The following CARMIL3 variants were observed in gnomAD, a reference collection of about 807,000 sequenced individuals.
CARMIL3 encodes capping protein, Arp2/3 and myosin-I linker protein 3.
CARMIL3 carries 88 observed loss-of-function variants against 180.8 expected under a neutral mutation model. That is an observed-to-expected ratio of 0.49 (90% CI 0.41 to 0.58). The LOEUF (loss-of-function observed/expected upper bound fraction) is 0.58. Among genes scored for constraint, CARMIL3 ranks in the 20% least tolerant of loss-of-function variants. CARMIL3 has a pLI of 0.00. For missense variants in CARMIL3, 1,548 were observed against 1,787.0 expected (o/e 0.87, Z 2.41); for synonymous variants, 696 against 714.5 (o/e 0.97, Z 0.41).
chr14:24,057,750 C>T, intron 14 of CARMIL3, 53 bp from the exon 15 acceptor site: 1 of 1,507,454 alleles, frequency 6.6e-7, no homozygotes, highest in South Asian at 1.2e-5. Flanking sequence ...CCTTTCCTGC[C>T]ACCCCCTACC....
chr14:24,054,915 GA>G lies in CARMIL3; in HGVS notation c.460+109del. The G allele has an allele frequency of 7.2e-7, 1 of 1,390,618 alleles. No homozygotes were observed. The highest frequency in any genetic ancestry group is 1.0e-6 in the Non-Finnish European group (1 of 997,202). The allele number at this position is 1,390,618 out of a possible 1,614,324, so 86.1% of individuals were successfully genotyped here. The stretch of plus-strand genomic sequence containing the variant: ...CTGGGCGGGCGGGCTTTGCCTGCCT[GA>G]AGGACTCCCAGCTCCCAGACCTCAG... On this transcript the variant is annotated intron_variant, in intron 6 of 39. Coordinates refer to ENST00000342740, the MANE Select transcript of CARMIL3 (RefSeq NM_138360.4). This position sits in a 1 kb window ranked among gnomAD's most constrained non-coding sequence, Gnocchi z 5.1.
Position 24,059,174 on chromosome 14 carries a change from C to T in CARMIL3, c.1611C>T (p.Ile537=), listed in dbSNP as rs2035704283. 1 of 1,611,962 alleles carries T rather than the reference C, an allele frequency of 6.2e-7. No homozygotes were observed. Among genetic ancestry groups the T allele is most frequent in the Non-Finnish European group, 8.5e-7 (1 of 1,179,352 alleles). The change falls in exon 20 of 40, where the codon ATC becomes ATT. Residue 537 remains isoleucine, a synonymous_variant. Coordinates refer to ENST00000342740, the MANE Select transcript of CARMIL3 (RefSeq NM_138360.4). The surrounding 1 kb of genome is among the most constrained non-coding windows in gnomAD (Gnocchi z 6.3). The part of the protein sequence containing the change: ...EEILHKLVQL[I]QEEDCSLQSL... ...TCCTCCACAAGCTGGTGCAGCTGAT[C>T]CAGGAAGAGGACTGTGTGAGTGCCT...
intron 2 of CARMIL3, 140 bp downstream of exon 2, chr14:24,053,943 C>A: frequency 8.6e-7 from 1 of 1,163,130 alleles, no homozygotes; most frequent in Non-Finnish European, 1.2e-6. Flanking sequence ...GGAGGCAGGG[C>A]TGGACTGTGT....
At position 24,058,220 on chromosome 14, in the gene CARMIL3, G is replaced by C. The variant is rs751839340; in HGVS notation, c.1388G>C (p.Cys463Ser). The change falls in exon 17 of 40, where the codon TGC becomes TCC. Residue 463 changes from cysteine (C) to serine (S), a missense_variant. This residue lies in a region of CARMIL3 where 578 missense variants were observed against 666.5 expected (regional missense o/e 0.87). Coordinates refer to ENST00000342740, the MANE Select transcript of CARMIL3 (RefSeq NM_138360.4). This position sits in a 1 kb window ranked among gnomAD's most constrained non-coding sequence, Gnocchi z 6.4. The stretch of plus-strand genomic sequence containing the variant: ...GACCTGCACCTGGATCTCAGCAGCT[G>C]CGAGGTGAGCCCTCAGTCCCCAACC... ...LSDLHLDLSS[C>S]ELRSAGAQAL... The C allele has an allele frequency of 3.7e-6, 6 of 1,613,340 alleles. No individual in the cohort carries two copies. The highest frequency in any genetic ancestry group is 5.1e-6 in the Non-Finnish European group (6 of 1,179,838).
intron 32 of CARMIL3, 37 bp downstream of exon 32, chr14:24,064,383 C>T (rs373894940): frequency 9.0e-5 from 136 of 1,504,316 alleles, no homozygotes; most frequent in Non-Finnish European, 1.1e-4. Context: ...TTCAGCAGGC[C>T]CCAAGGCCCT....
chr14:24,060,428 T>C (rs1951637), intron 24 of CARMIL3, among the ~76,000 whole-genome samples, 173 bp downstream of exon 24: 1 of 152,002 alleles, frequency 6.6e-6, no homozygotes, highest in African/African-American at 2.4e-5. Flanking sequence ...TTCAAACATA[T>C]GTGGGCGAAC....
chr14:24,054,204 G>A lies in CARMIL3; in HGVS notation c.187-38G>A. The A allele has an allele frequency of 6.2e-7, 1 of 1,614,140 alleles. No homozygotes were observed. The highest frequency in any genetic ancestry group is 8.5e-7 in the Non-Finnish European group (1 of 1,179,982). ...CCTACCTCCCAAGCCTGGCAACCCA[G>A]GTCCTTACCAGGAGCTGAGCATCTC... On this transcript the variant is annotated intron_variant, in intron 3 of 39. Coordinates refer to ENST00000342740, the MANE Select transcript of CARMIL3 (RefSeq NM_138360.4). The surrounding 1 kb of genome is among the most constrained non-coding windows in gnomAD (Gnocchi z 5.1).
intron 1 of CARMIL3, among the ~76,000 whole-genome samples, chr14:24,053,150 A>C (rs1247134045): frequency 6.6e-6 from 1 of 152,056 alleles, no homozygotes; most frequent in Non-Finnish European, 1.5e-5. Context: ...CTCCCCGCCC[A>C]ACACACACAG....
intron 36 of CARMIL3, 142 bp downstream of exon 36, chr14:24,066,798 A>G: frequency 2.3e-6 from 2 of 863,926 alleles, no homozygotes; most frequent in Middle Eastern, 2.7e-4. Flanking sequence ...GTTTAAGGAT[A>G]TTTACAAAGC....
In CARMIL3 at chr14:24,065,607, G is replaced by A. The variant is rs1256030598; in HGVS notation, c.3397-15G>A. 2.5e-6 allele frequency: 4 copies of A among 1,595,022 alleles called. No individual in the cohort carries two copies. The highest frequency in any genetic ancestry group is 3.4e-6 in the Non-Finnish European group (4 of 1,172,516). ...TCGACTGGGAACTGCTAATAAATAA[G>A]AGACCTTGTTCTAGGGCACTGAGGG... On this transcript the variant is annotated splice_polypyrimidine_tract_variant and intron_variant, in intron 33 of 39. Coordinates refer to ENST00000342740, the MANE Select transcript of CARMIL3 (RefSeq NM_138360.4).
rs1416394270 is a variant in CARMIL3 at position 24,057,948 on chromosome 14, G to A, written c.1218-12G>A. 6.2e-7 allele frequency: 1 copy of A among 1,613,346 alleles called. No homozygotes were observed. The highest frequency in any genetic ancestry group is 1.1e-5 in the South Asian group (1 of 91,078). ...ACCCCCTCCCTCGCTGACCCCAGGG[G>A]TCTCTCCACAGGAAGGGTCGAGAGG... On this transcript the variant is annotated splice_polypyrimidine_tract_variant and intron_variant, in intron 15 of 39. Coordinates refer to ENST00000342740, the MANE Select transcript of CARMIL3 (RefSeq NM_138360.4).
rs201971680 is a variant in CARMIL3, at chr14:24,065,753, G to A, written c.3525+3G>A. On this transcript the variant is annotated splice_donor_region_variant and intron_variant, in intron 34 of 39. Transcript: ENST00000342740. ...GGAGCTTCGATGGGAAACGAGAGGT[G>A]AGTGGAGCCTGGGACAACAAACTGT... 9.9e-6 allele frequency: 16 copies of A among 1,613,866 alleles called. No individual in the cohort carries two copies. The African/African-American group carries it at 1.7e-4, about 17-fold the overall frequency.
chr14:24,057,946 G>T lies in CARMIL3; in HGVS notation c.1218-14G>T. 1.2e-6 allele frequency: 2 copies of T among 1,613,384 alleles called. No individual in the cohort carries two copies. The highest frequency in any genetic ancestry group is 1.7e-6 in the Non-Finnish European group (2 of 1,179,980). On this transcript the variant is annotated splice_polypyrimidine_tract_variant and intron_variant, in intron 15 of 39. Coordinates refer to ENST00000342740, the MANE Select transcript of CARMIL3 (RefSeq NM_138360.4). Reference sequence around the variant, plus strand: ...CAACCCCCTCCCTCGCTGACCCCAGGGGTCTCTCCACAGGAAGGGTCGAGA... The same window carrying T: ...CAACCCCCTCCCTCGCTGACCCCAGTGGTCTCTCCACAGGAAGGGTCGAGA...
chr14:24,060,121 C>A, intron 23 of CARMIL3, 36 bp from the exon 24 acceptor site: 1 of 1,613,598 alleles, frequency 6.2e-7, no homozygotes, highest in Middle Eastern at 1.6e-4. Flanking sequence ...CAGCCCCCAT[C>A]CCCAGGCCCT....
At position 24,062,709 on chromosome 14, in the gene CARMIL3, G is replaced by A. The variant is rs2035743904; in HGVS notation, c.2569G>A (p.Ala857Thr). ...TCTGTTCACACCTGCCCTTCCCCAG[G>A]CCCGGCACCTGACCCAGCTAAGGAC... is the stretch of plus-strand genomic sequence containing the variant. ...QELYHSHKSL[A>T]RHLTQLRTLS... Residue 857 changes from alanine to threonine, a missense_variant and splice_region_variant, in exon 29 of 40, where the codon GCC becomes ACC. By Grantham distance (58) the Ala-to-Thr change is moderately conservative. Coordinates refer to ENST00000342740, the MANE Select transcript of CARMIL3 (RefSeq NM_138360.4). 3.7e-6 allele frequency: 6 copies of A among 1,607,578 alleles called. No individual in the cohort carries two copies. The highest frequency in any genetic ancestry group is 4.3e-6 in the Non-Finnish European group (5 of 1,176,150).
chr14:24,068,002 G>A (rs568220227), intron 36 of CARMIL3, among the ~76,000 whole-genome samples: 1 of 152,258 alleles, frequency 6.6e-6, no homozygotes, highest in Non-Finnish European at 1.5e-5. Flanking sequence ...GAAAGGGGTT[G>A]GGCACTGCTC....
chr14:24,067,953 G>A (rs926090868), intron 36 of CARMIL3, among the ~76,000 whole-genome samples: 2 of 152,278 alleles, frequency 1.3e-5, no homozygotes, highest in Non-Finnish European at 2.9e-5. Flanking sequence ...TGGGCAGCAT[G>A]CCTGTGGACC....
At position 24,059,672 on chromosome 14, in the gene CARMIL3, T is replaced by C. The variant is rs1353447922; in HGVS notation, c.1808T>C (p.Leu603Pro). The C allele has an allele frequency of 3.1e-6, 5 of 1,613,944 alleles. No individual in the cohort carries two copies. The highest frequency in any genetic ancestry group is 4.2e-6 in the Non-Finnish European group (5 of 1,179,966). The change falls in exon 22 of 40, where the codon CTA becomes CCA. Residue 603 changes from leucine to proline, a missense_variant. Around this residue, in one of 4 missense-constraint regions of CARMIL3, gnomAD observed 297 missense variants for 415.9 expected, o/e 0.71. Coordinates refer to ENST00000342740, the MANE Select transcript of CARMIL3 (RefSeq NM_138360.4). The surrounding 1 kb of genome is among the most constrained non-coding windows in gnomAD (Gnocchi z 6.3). Reference protein sequence around the residue: ...LQINSSLRTILWDRNNTSALG... With the variant: ...LQINSSLRTIPWDRNNTSALG... ...GCTTACCCTCCCCCCAGAACTATCC[T>C]ATGGGATCGGAACAATACATCTGCC...
At position 24,060,207 on chromosome 14, in the gene CARMIL3, G is replaced by A; in HGVS notation, c.2013G>A (p.Glu671=). ...RNNHSQTCPQ[E]QAFRLQQGLV... The stretch of plus-strand genomic sequence containing the variant: ...ACCACTCCCAGACGTGCCCCCAGGA[G>A]CAGGCCTTCAGGTTGCAGCAGGGCC... The change falls in exon 24 of 40, where the codon GAG becomes GAA. Residue 671 remains glutamate (E), a synonymous_variant. Transcript: ENST00000342740. 6.2e-7 allele frequency: 1 copy of A among 1,614,190 alleles called. No individual in the cohort carries two copies. Among genetic ancestry groups the A allele is most frequent in the Non-Finnish European group, 8.5e-7 (1 of 1,180,038 alleles).
Sources: allele counts gnomAD v4.1 joint callset (sites outside exome capture counted in the v4.1 genomes callset), GRCh38; gene constraint gnomAD v4.1.1; regional missense constraint gnomAD v4.1.1; non-coding constraint Gnocchi (gnomAD v3.1); transcripts MANE v1.5; gene names NCBI Gene and HGNC (gene_info 2026-07-23, HGNC 2026-07-21).